F13A1: variants seen among roughly 807,000 people sequenced by gnomAD.
F13A1 encodes FSF, A subunit.
Under a neutral mutation model 80.1 loss-of-function variants are expected in F13A1, and 47 were observed. The observed-to-expected ratio is 0.59, with a 90% CI of 0.46 to 0.75. F13A1 has a LOEUF of 0.75. Among genes scored for constraint, F13A1 ranks in the 30% least tolerant of loss-of-function variants. The pLI, the probability that F13A1 is intolerant of heterozygous loss-of-function variation, is 0.00. For missense variants in F13A1, 817 were observed against 930.4 expected, an observed-to-expected ratio of 0.88 and a Z score of 1.59; for synonymous variants, 349 against 344.9, an observed-to-expected ratio of 1.01 and a Z score of -0.13.
chr6:6,315,971 C>T (rs187803370), intron 2 of F13A1, among the ~76,000 whole-genome samples: 1 of 149,020 alleles, frequency 6.7e-6, no homozygotes, highest in Non-Finnish European at 1.5e-5. Flanking sequence ...ATATATAGTG[C>T]CAGAAAACCT....
In F13A1 at chr6:6,252,163, C is replaced by G. The variant is rs75529204; in HGVS notation, c.572-1234G>C. On this transcript the variant is annotated intron_variant, in intron 4 of 14. Transcript: ENST00000264870. ...TACATAAAAAATGACTCAGTTTCAG[C>G]CATAAGTTTGTGGCATGAAGAAACA... 3.0e-3 allele frequency among the ~76,000 whole-genome samples: 454 copies of G among 152,226 alleles called. 5 individuals carry two copies. Among genetic ancestry groups the G allele is most frequent in the East Asian group, 0.015 (78 of 5,182 alleles).
intron 3 of F13A1, among the ~76,000 whole-genome samples, chr6:6,294,539 C>T (rs1758287760): frequency 1.3e-5 from 2 of 151,040 alleles, no homozygotes; most frequent in South Asian, 2.1e-4. Context: ...CACACACACA[C>T]ACATATATAT....
intron 2 of F13A1, among the ~76,000 whole-genome samples, chr6:6,312,029 T>TTA (rs955840918): frequency 6.8e-6 from 1 of 147,896 alleles, no homozygotes; most frequent in Non-Finnish European, 1.5e-5. Flanking sequence ...AGCAAACTTT[T>TTA]TATATATATA....
chr6:6,206,399 T>C lies in F13A1; in HGVS notation c.1113-9073A>G, dbSNP rs535554564. ...ATGATTAACCAGAACATGATTCCAT[T>C]GCCATATGGAGTGTTTTCTATGTGG... On this transcript the variant is annotated intron_variant, in intron 8 of 14. Coordinates refer to ENST00000264870, the MANE Select transcript of F13A1 (RefSeq NM_000129.4). 3.4e-4 allele frequency: 155 copies of C among 455,208 alleles called. 1 individual carries two copies. The highest frequency in any genetic ancestry group is 3.1e-5 in the Non-Finnish European group (7 of 222,616). 28.2% of individuals were successfully genotyped at this position (455,208 alleles called of 1,614,324 possible). A position where few individuals can be genotyped will look rare whatever the true frequency, so the allele number is the denominator to read the frequency against.
intron 10 of F13A1, among the ~76,000 whole-genome samples, chr6:6,185,127 CTCT>C (rs1490134905): frequency 3.9e-4 from 52 of 131,892 alleles, no homozygotes; most frequent in African/African-American, 1.4e-3. Flanking sequence ...CTGAATCTCT[CTCT>C]TTTTTTTTTT....
intron 12 of F13A1, 126 bp from the exon 13 acceptor site, chr6:6,167,744 G>C (rs1266335449): frequency 9.8e-7 from 1 of 1,017,736 alleles, no homozygotes. Flanking sequence ...GCAAAGGTAA[G>C]GGGCAAGTGG....
chr6:6,285,466 T>A (rs1471672313), intron 3 of F13A1, among the ~76,000 whole-genome samples: 1 of 152,226 alleles, frequency 6.6e-6, no homozygotes, highest in Non-Finnish European at 1.5e-5. Context: ...AGAAGGAGCA[T>A]CCCAATGGCT....
At position 6,162,133 on chromosome 6, in the gene F13A1, A is replaced by G. The variant is rs1760585800; in HGVS notation, c.1908+5325T>C. On this transcript the variant is annotated intron_variant, in intron 13 of 14. Coordinates refer to ENST00000264870, the MANE Select transcript of F13A1 (RefSeq NM_000129.4). This position sits in a 1 kb window ranked among gnomAD's most constrained non-coding sequence, Gnocchi z 4.2. ...GACAATCATGTTACATTCCCACTCT[A>G]GAAACTCCCTTGAAGCCTCTTTGTT... Among the ~76,000 whole-genome samples, 2 of 152,184 alleles carry G rather than the reference A, an allele frequency of 1.3e-5. No individual in the cohort carries two copies. Among genetic ancestry groups the G allele is most frequent in the South Asian group, 4.1e-4 (2 of 4,832 alleles).
chr6:6,223,606 G>T (rs554444044), intron 7 of F13A1, among the ~76,000 whole-genome samples: 153 of 151,920 alleles, frequency 1.0e-3, no homozygotes, highest in Middle Eastern at 3.4e-3. Flanking sequence ...TCTTCCCTGG[G>T]TTATATTTAA....
chr6:6,230,888 G>C (rs1583084069), intron 6 of F13A1, among the ~76,000 whole-genome samples: 1 of 152,108 alleles, frequency 6.6e-6, no homozygotes, highest in African/African-American at 2.4e-5. Context: ...TAGGAAAAGG[G>C]GGAGAGTACT....
At chr6:6,272,153 AT>A (rs1396710640) in intron 3 of F13A1, among the ~76,000 whole-genome samples, 1 of 152,244 alleles carries the variant, frequency 6.6e-6, no homozygotes, top group African/African-American at 2.4e-5. Flanking sequence ...AAAGCCCTGC[AT>A]TGGTAGTGCC....
chr6:6,306,167 A>G (rs1056875888), intron 2 of F13A1, among the ~76,000 whole-genome samples: 12 of 152,342 alleles, frequency 7.9e-5, no homozygotes, highest in African/African-American at 2.4e-4. Flanking sequence ...TAAGATTTCC[A>G]TGAGATAAGT....
chr6:6,212,814 C>G (rs931509476), intron 8 of F13A1, among the ~76,000 whole-genome samples: 2 of 151,890 alleles, frequency 1.3e-5, no homozygotes, highest in Non-Finnish European at 2.9e-5. Context: ...CTAGAATAAC[C>G]AATACAGAGA....
At chr6:6,150,703 A>G (rs1029301045) in intron 14 of F13A1, among the ~76,000 whole-genome samples, 7 of 152,194 alleles carry the variant, frequency 4.6e-5, no homozygotes, top group African/African-American at 1.7e-4. Context: ...TATGCCTTAG[A>G]AGGTCACTCC....
chr6:6,209,615 A>G (rs1761565449), intron 8 of F13A1, among the ~76,000 whole-genome samples: 1 of 152,266 alleles, frequency 6.6e-6, no homozygotes, highest in African/African-American at 2.4e-5. Flanking sequence ...CAACTGATGA[A>G]TGGATAAATA....
chr6:6,202,513 G>GT (rs1252821909), intron 8 of F13A1, among the ~76,000 whole-genome samples: 4 of 152,138 alleles, frequency 2.6e-5, no homozygotes, highest in African/African-American at 9.7e-5. Flanking sequence ...TTGCTTGTTT[G>GT]TTTCTCTTTA....
At chr6:6,288,665 C>T (rs1758171050) in intron 3 of F13A1, among the ~76,000 whole-genome samples, 1 of 152,200 alleles carries the variant, frequency 6.6e-6, no homozygotes, top group Admixed American at 6.5e-5. Context: ...TCTTTAGATA[C>T]ATACCCAGAA....
At chr6:6,194,827 A>G (rs11964160) in intron 10 of F13A1, among the ~76,000 whole-genome samples, 19,883 of 152,244 alleles carry the variant, frequency 0.13, 1,647 homozygotes, top group South Asian at 0.3. Flanking sequence ...GGTTACCAGT[A>G]TGCATTCAGG....
chr6:6,267,671 G>A (rs762701846), intron 3 of F13A1, among the ~76,000 whole-genome samples: 16 of 152,066 alleles, frequency 1.1e-4, no homozygotes, highest in Non-Finnish European at 1.6e-4. Context: ...AGAATACGTC[G>A]TATTTAAAAA....
Sources: gnomAD v4.1 joint callset for allele counts (sites outside exome capture counted in the v4.1 genomes callset) on GRCh38, gnomAD v4.1.1 for gene constraint, Gnocchi (gnomAD v3.1) non-coding constraint, MANE v1.5 for transcripts, NCBI Gene and HGNC (gene_info 2026-07-23, HGNC 2026-07-21) for gene names.